The following USP43 variants were observed in gnomAD, a reference collection of about 807,000 sequenced individuals.
The protein encoded by USP43 is ubiquitin specific peptidase 43.
Under a neutral mutation model 90.7 loss-of-function variants are expected in USP43, and 33 were observed. The observed-to-expected ratio is 0.36, with a 90% CI of 0.28 to 0.49. The LOEUF (loss-of-function observed/expected upper bound fraction) is 0.49, where lower values mean the gene tolerates loss of function less well. Among genes scored for constraint, USP43 ranks in the 20% least tolerant of loss-of-function variants. The probability of loss-of-function intolerance (pLI) is 0.98; values close to 1 mark genes in which losing one functional copy is unlikely to be tolerated. For synonymous variants in USP43, 598 were observed against 615.8 expected (o/e 0.97, Z 0.43); for missense variants, 1,274 against 1,476.4 (o/e 0.86, Z 2.25).
At chr17:9,653,750 A>G (rs377390272) in intron 1 of USP43, among the ~76,000 whole-genome samples, 2 of 152,168 alleles carry the variant, frequency 1.3e-5, no homozygotes, top group South Asian at 4.1e-4. Flanking sequence ...TGAGCAGGAG[A>G]GTAAGGAACG....
chr17:9,710,433 C>G (rs1916122142), intron 13 of USP43, among the ~76,000 whole-genome samples: 1 of 150,198 alleles, frequency 6.7e-6, no homozygotes, highest in Non-Finnish European at 1.5e-5. Context: ...GTAATGTAAA[C>G]TGATGTCAGT....
intron 2 of USP43, among the ~76,000 whole-genome samples, chr17:9,664,794 C>T (rs535348027): frequency 3.9e-3 from 596 of 152,188 alleles, no homozygotes; most frequent in African/African-American, 0.013. Context: ...CCCGCCACCA[C>T]GCCCAGCTAA....
intron 14 of USP43, among the ~76,000 whole-genome samples, chr17:9,725,477 G>C (rs1386323906): frequency 3.9e-5 from 6 of 152,198 alleles, no homozygotes; most frequent in African/African-American, 1.2e-4. Context: ...ACTTTGTAGA[G>C]AGGAAGTGTG....
chr17:9,716,899 G>A (rs1393281084), intron 14 of USP43, among the ~76,000 whole-genome samples: 2 of 152,186 alleles, frequency 1.3e-5, no homozygotes, highest in African/African-American at 4.8e-5. Flanking sequence ...ACTTTGGGAG[G>A]CCGAGGTGGG....
chr17:9,661,474 AG>A lies in USP43; in HGVS notation c.636+4941del, dbSNP rs1567649581. On this transcript the variant is annotated intron_variant, in intron 2 of 14. Coordinates refer to ENST00000285199, the MANE Select transcript of USP43 (RefSeq NM_153210.5). ...TGGGCTCCAGCACTCCTCCTGCCTCAGCCCCCGACTGAGTAGCTGTGACTAC... is the reference window on the plus strand; with the variant it reads ...TGGGCTCCAGCACTCCTCCTGCCTCACCCCCGACTGAGTAGCTGTGACTAC... 7.2e-5 allele frequency among the ~76,000 whole-genome samples: 11 copies of A among 152,170 alleles called. No homozygotes were observed. The South Asian group carries it at 2.3e-3, about 32-fold the overall frequency.
chr17:9,646,432 CCAGA>C (rs1357245456), intron 1 of USP43, among the ~76,000 whole-genome samples: 2 of 152,092 alleles, frequency 1.3e-5, no homozygotes, highest in African/African-American at 2.4e-5. Context: ...GGCTTGTGGG[CCAGA>C]CAGTGTTCTA....
intron 1 of USP43, among the ~76,000 whole-genome samples, chr17:9,653,129 A>C (rs925851226): frequency 1.3e-5 from 2 of 152,164 alleles, no homozygotes; most frequent in African/African-American, 4.8e-5. Context: ...GTTTATGGAG[A>C]GGGACATTTT....
chr17:9,716,098 G>A (rs1024152587), intron 14 of USP43, among the ~76,000 whole-genome samples: 3 of 144,094 alleles, frequency 2.1e-5, no homozygotes, highest in African/African-American at 8.8e-5. Flanking sequence ...GTCTGTGTGT[G>A]TGTGTTTGTG....
At chr17:9,710,226 A>G (rs1414541179) in intron 13 of USP43, 112 bp downstream of exon 13, 42 of 1,226,054 alleles carry the variant, frequency 3.4e-5, no homozygotes, top group Non-Finnish European at 4.3e-5. Flanking sequence ...GATCTGAAAG[A>G]GGAAGCCCGG....
intron 6 of USP43, among the ~76,000 whole-genome samples, chr17:9,682,583 A>G (rs1914355813): frequency 1.3e-5 from 2 of 152,206 alleles, no homozygotes; most frequent in Non-Finnish European, 2.9e-5. Flanking sequence ...TAAACAAACA[A>G]AAAACTATTG....
chr17:9,652,319 G>A (rs1187732048), intron 1 of USP43, among the ~76,000 whole-genome samples: 1 of 150,574 alleles, frequency 6.6e-6, no homozygotes, highest in Non-Finnish European at 1.5e-5. Context: ...TTTGGGAACT[G>A]CTTTGTGCAG....
At chr17:9,711,899 G>A (rs1337715829) in intron 13 of USP43, 69 bp from the exon 14 acceptor site, 1 of 1,447,580 alleles carries the variant, frequency 6.9e-7, no homozygotes. Flanking sequence ...ATCTGGTTGT[G>A]AGATGCTCCG....
At chr17:9,708,343 T>C (rs1916004750) in intron 12 of USP43, among the ~76,000 whole-genome samples, 1 of 152,174 alleles carries the variant, frequency 6.6e-6, no homozygotes. Context: ...CTCTGCTGTA[T>C]GGAGAATGTG....
intron 8 of USP43, among the ~76,000 whole-genome samples, 164 bp from the exon 9 acceptor site, chr17:9,692,963 T>C (rs984450177): frequency 4.6e-5 from 7 of 152,154 alleles, no homozygotes; most frequent in African/African-American, 7.2e-5. Flanking sequence ...CTGAAAAAAA[T>C]GAAGTTTTTG....
At chr17:9,690,148 C>A (rs1362944006) in intron 8 of USP43, among the ~76,000 whole-genome samples, 2 of 152,114 alleles carry the variant, frequency 1.3e-5, no homozygotes, top group Non-Finnish European at 2.9e-5. Flanking sequence ...CCAAAGGGGT[C>A]GGCTCACAAC....
chr17:9,662,511 T>C (rs943586927), intron 2 of USP43, among the ~76,000 whole-genome samples: 1 of 152,168 alleles, frequency 6.6e-6, no homozygotes, highest in African/African-American at 2.4e-5. Context: ...ACTCCCACAG[T>C]TGGGGGCCGA....
chr17:9,675,115 A>T (rs140202279), intron 4 of USP43, 132 bp downstream of exon 4: 7 of 766,816 alleles, frequency 9.1e-6, no homozygotes, highest in Non-Finnish European at 1.6e-5. Context: ...AACCAGCCTT[A>T]TAGCTGGATG....
At chr17:9,727,345 C>T (rs1183194270) in intron 14 of USP43, among the ~76,000 whole-genome samples, 2 of 152,152 alleles carry the variant, frequency 1.3e-5, no homozygotes, top group East Asian at 3.8e-4. Context: ...AACAGCACTG[C>T]CATGGCCCTA....
chr17:9,655,665 A>G (rs1166298363), intron 1 of USP43, among the ~76,000 whole-genome samples: 1 of 152,204 alleles, frequency 6.6e-6, no homozygotes, highest in Admixed American at 6.5e-5. Context: ...TTCATCTTTA[A>G]CAGTGCAAAC....
Sources: allele counts gnomAD v4.1 joint callset (sites outside exome capture counted in the v4.1 genomes callset), GRCh38; gene constraint gnomAD v4.1.1; transcripts MANE v1.5; gene names NCBI Gene and HGNC (gene_info 2026-07-23, HGNC 2026-07-21).